STXBP5L: variants seen among roughly 807,000 people sequenced by gnomAD.
STXBP5L encodes syntaxin binding protein 5L.
Under a neutral mutation model 144.5 loss-of-function variants are expected in STXBP5L, and 65 were observed. That is an observed-to-expected ratio of 0.45 (90% CI 0.37 to 0.55). The LOEUF is 0.55. STXBP5L is among the 20% of genes least tolerant of loss of function. The pLI, the probability that STXBP5L is intolerant of heterozygous loss-of-function variation, is 0.00. For synonymous variants in STXBP5L, 505 were observed against 469.6 expected (o/e 1.08, Z -0.97); for missense variants, 1,298 against 1,405.5 (o/e 0.92, Z 1.22).
intron 3 of STXBP5L, among the ~76,000 whole-genome samples, chr3:120,998,090 AT>A (rs1943492118): frequency 6.6e-6 from 1 of 152,178 alleles, no homozygotes; most frequent in Non-Finnish European, 1.5e-5. Context: ...CTTCAAAATA[AT>A]TAGTGCCGTC....
chr3:121,139,252 CAAAT>C (rs1047287471), intron 7 of STXBP5L, among the ~76,000 whole-genome samples: 20 of 151,922 alleles, frequency 1.3e-4, no homozygotes, highest in African/African-American at 3.6e-4. Context: ...GTTCATAACA[CAAAT>C]AAATGATGAA....
chr3:120,964,717 T>C (rs1055770674), intron 3 of STXBP5L, among the ~76,000 whole-genome samples: 4 of 152,138 alleles, frequency 2.6e-5, no homozygotes, highest in African/African-American at 9.7e-5. Context: ...GAAACAAGTG[T>C]GATGTGGTGC....
At chr3:120,921,540 A>G (rs1709359047) in intron 2 of STXBP5L, among the ~76,000 whole-genome samples, 1 of 151,982 alleles carries the variant, frequency 6.6e-6, no homozygotes, top group Non-Finnish European at 1.5e-5. Context: ...TTACAAAAAA[A>G]TCATTGCCTA....
intron 5 of STXBP5L, among the ~76,000 whole-genome samples, chr3:121,099,971 C>T (rs527645039): frequency 3.9e-5 from 6 of 152,198 alleles, no homozygotes; most frequent in African/African-American, 9.6e-5. Flanking sequence ...ATAAAACAGA[C>T]TTTAAACCAA....
intron 3 of STXBP5L, among the ~76,000 whole-genome samples, chr3:121,005,335 G>T (rs993161778): frequency 3.9e-5 from 6 of 152,132 alleles, no homozygotes; most frequent in African/African-American, 1.4e-4. Context: ...TAGTTTATTT[G>T]CATAGTGGTG....
chr3:121,003,638 A>G (rs970524843), intron 3 of STXBP5L, among the ~76,000 whole-genome samples: 1 of 152,086 alleles, frequency 6.6e-6, no homozygotes, highest in African/African-American at 2.4e-5. Flanking sequence ...ATGCCTATGA[A>G]CTGAATGGTA....
intron 24 of STXBP5L, among the ~76,000 whole-genome samples, chr3:121,414,931 G>T (rs2047197703): frequency 6.6e-6 from 1 of 152,142 alleles, no homozygotes; most frequent in Non-Finnish European, 1.5e-5. Flanking sequence ...TGGATTTAGG[G>T]TTATTAGATA....
At chr3:121,009,112 T>A (rs184679961) in intron 3 of STXBP5L, among the ~76,000 whole-genome samples, 5 of 152,074 alleles carry the variant, frequency 3.3e-5, no homozygotes, top group African/African-American at 1.2e-4. Context: ...ACCTGGTCAC[T>A]CTGTTCCTCA....
intron 20 of STXBP5L, among the ~76,000 whole-genome samples, chr3:121,330,232 CTG>C (rs974623627): frequency 2.6e-5 from 4 of 152,218 alleles, no homozygotes; most frequent in African/African-American, 9.6e-5. Flanking sequence ...TAGTGGAACA[CTG>C]TAGGTGTGAA....
intron 3 of STXBP5L, among the ~76,000 whole-genome samples, chr3:120,983,270 T>C (rs902172383): frequency 6.6e-6 from 1 of 151,642 alleles, no homozygotes; most frequent in Non-Finnish European, 1.5e-5. Flanking sequence ...GGGGGCAGGG[T>C]GGCAGCACTG....
intron 5 of STXBP5L, among the ~76,000 whole-genome samples, chr3:121,105,376 C>T (rs1381043824): frequency 7.5e-6 from 1 of 133,976 alleles, no homozygotes; most frequent in Non-Finnish European, 1.5e-5. Context: ...AGCCTGGCAA[C>T]AGAGTGAGAC....
chr3:120,922,265 G>T lies in STXBP5L; in HGVS notation c.189+12498G>T, dbSNP rs1709394740. On this transcript the variant is annotated intron_variant, in intron 2 of 26. Transcript: ENST00000471454. Reference sequence around the variant, plus strand: ...GCGTTTTGATTTCTTTGTTCAGATTGTTCACTGTTGGCGCATGTAAATGCT... The same window carrying T: ...GCGTTTTGATTTCTTTGTTCAGATTTTTCACTGTTGGCGCATGTAAATGCT... Among the ~76,000 whole-genome samples, 3 of 151,856 alleles carry T rather than the reference G, an allele frequency of 2.0e-5. No individual in the cohort carries two copies. In the South Asian group the frequency reaches 6.2e-4, roughly 31 times the overall value.
chr3:121,360,771 A>T (rs1341439748), intron 20 of STXBP5L, among the ~76,000 whole-genome samples: 2 of 152,128 alleles, frequency 1.3e-5, no homozygotes, highest in South Asian at 4.1e-4. Flanking sequence ...TGTAGTTATT[A>T]TTTTTTATTG....
At chr3:121,248,419 G>A (rs2049925417) in intron 14 of STXBP5L, among the ~76,000 whole-genome samples, 1 of 152,046 alleles carries the variant, frequency 6.6e-6, no homozygotes. Flanking sequence ...TTTCATGTTT[G>A]TTGGCTGCTT....
intron 5 of STXBP5L, among the ~76,000 whole-genome samples, chr3:121,063,739 G>T (rs761795346): frequency 6.6e-6 from 1 of 152,164 alleles, no homozygotes; most frequent in Non-Finnish European, 1.5e-5. Context: ...CCTTTGTGGA[G>T]CTGTGGTGGG....
At chr3:121,240,166 A>C (rs944136259) in intron 13 of STXBP5L, among the ~76,000 whole-genome samples, 1 of 152,166 alleles carries the variant, frequency 6.6e-6, no homozygotes, top group Non-Finnish European at 1.5e-5. Flanking sequence ...TGCATGTAGC[A>C]ACACTGTATT....
intron 2 of STXBP5L, among the ~76,000 whole-genome samples, chr3:120,918,884 C>T (rs1487056653): frequency 1.3e-5 from 2 of 152,074 alleles, no homozygotes; most frequent in Non-Finnish European, 2.9e-5. Flanking sequence ...GTCCTGATTT[C>T]TTTATGAACT....
intron 22 of STXBP5L, among the ~76,000 whole-genome samples, chr3:121,384,016 A>C (rs889205899): frequency 6.6e-6 from 1 of 152,114 alleles, no homozygotes; most frequent in Non-Finnish European, 1.5e-5. Context: ...AACGTTGTTA[A>C]ATAAACTTTT....
chr3:120,933,651 G>A (rs1425401949), intron 2 of STXBP5L, among the ~76,000 whole-genome samples: 4 of 152,066 alleles, frequency 2.6e-5, no homozygotes, highest in African/African-American at 4.8e-5. Flanking sequence ...AGTCACAGAA[G>A]GAATCTGTCT....
Sources: allele counts gnomAD v4.1 joint callset (sites outside exome capture counted in the v4.1 genomes callset), GRCh38; gene constraint gnomAD v4.1.1; transcripts MANE v1.5; gene names NCBI Gene and HGNC (gene_info 2026-07-23, HGNC 2026-07-21).